DNAH12: variants seen among roughly 807,000 people sequenced by gnomAD.
The protein encoded by DNAH12 is dynein axonemal heavy chain 12.
A neutral mutation model predicts 371.5 loss-of-function variants in DNAH12; 285 were observed. The ratio of observed to expected loss-of-function variants is 0.77; its 90% CI spans 0.70 to 0.85. DNAH12 has a LOEUF of 0.85. Among genes scored for constraint, DNAH12 ranks in the 40% least tolerant of loss-of-function variants. The pLI is 0.00. For synonymous variants in DNAH12, 1,200 were observed against 1,213.0 expected, an observed-to-expected ratio of 0.99 and a Z score of 0.22; for missense variants, 3,611 against 3,689.4, an observed-to-expected ratio of 0.98 and a Z score of 0.55.
intron 4 of DNAH12, among the ~76,000 whole-genome samples, chr3:57,518,418 T>C (rs1367396939): frequency 1.3e-5 from 2 of 151,888 alleles, no homozygotes; most frequent in African/African-American, 4.8e-5. Context: ...CCCAGCTATT[T>C]GGGAGCCTGA....
intron 2 of DNAH12, among the ~76,000 whole-genome samples, chr3:57,531,923 C>A (rs982173311): frequency 6.6e-6 from 1 of 152,058 alleles, no homozygotes; most frequent in African/African-American, 2.4e-5. Flanking sequence ...AATAAACCTT[C>A]TATCCTGTCT....
At chr3:57,393,244 G>T (rs1027616371) in intron 44 of DNAH12, among the ~76,000 whole-genome samples, 11 of 152,262 alleles carry the variant, frequency 7.2e-5, no homozygotes, top group Middle Eastern at 3.4e-3. Flanking sequence ...TGGAGGTTGG[G>T]AATTAAATAT....
At chr3:57,314,192 C>A (rs1306331457) in intron 66 of DNAH12, among the ~76,000 whole-genome samples, 1 of 152,132 alleles carries the variant, frequency 6.6e-6, no homozygotes, top group South Asian at 2.1e-4. Context: ...GACAAAGAAC[C>A]AGGGTCCTCG....
chr3:57,321,230 A>C (rs1260506945), intron 65 of DNAH12, among the ~76,000 whole-genome samples: 13 of 152,154 alleles, frequency 8.5e-5, no homozygotes, highest in Admixed American at 5.9e-4. Flanking sequence ...TCTCTTTCTA[A>C]ATAAAACCAC....
At chr3:57,326,244 A>G (rs2061942584) in intron 62 of DNAH12, among the ~76,000 whole-genome samples, 1 of 152,036 alleles carries the variant, frequency 6.6e-6, no homozygotes, top group African/African-American at 2.4e-5. Flanking sequence ...AGCAACTCCA[A>G]GACACATAAT....
chr3:57,521,615 C>T (rs370637736), intron 4 of DNAH12, among the ~76,000 whole-genome samples: 1 of 152,198 alleles, frequency 6.6e-6, no homozygotes, highest in Non-Finnish European at 1.5e-5. Flanking sequence ...AGGCTGGGTG[C>T]GGTGGCTCCG....
rs753601316 is a variant in DNAH12, at chr3:57,470,428, A to C, written c.2105+15T>G. 4.0e-6 allele frequency: 6 copies of C among 1,493,922 alleles called. No individual in the cohort carries two copies. Among genetic ancestry groups the C allele is most frequent in the South Asian group, 2.7e-5 (2 of 73,646 alleles). The allele number at this position is 1,493,922 out of a possible 1,614,324, so 92.5% of individuals were successfully genotyped here. ...CTATCATTTGCTTGATTTTTATTAC[A>C]TTACCAGCAATTACCGTTTTTCTGA... On this transcript the variant is annotated intron_variant, in intron 16 of 73. Transcript: ENST00000495027.
chr3:57,377,489 A>C (rs2063304273), intron 52 of DNAH12, among the ~76,000 whole-genome samples: 2 of 152,160 alleles, frequency 1.3e-5, no homozygotes, highest in Admixed American at 6.6e-5. Context: ...CAAAAATGTC[A>C]CAAGATGTCT....
intron 35 of DNAH12, among the ~76,000 whole-genome samples, chr3:57,422,577 A>C (rs1194963413): frequency 2.0e-5 from 3 of 152,216 alleles, no homozygotes; most frequent in Non-Finnish European, 4.4e-5. Flanking sequence ...CCAAGGAAGA[A>C]GGATTGCTTG....
intron 6 of DNAH12, among the ~76,000 whole-genome samples, chr3:57,508,858 A>G (rs1306185304): frequency 6.6e-6 from 1 of 152,240 alleles, no homozygotes; most frequent in Non-Finnish European, 1.5e-5. Context: ...CACAGTCTTT[A>G]GGACTAAAGA....
At chr3:57,453,533 G>T (rs554325533) in intron 23 of DNAH12, 130 bp from the exon 24 acceptor site, 2 of 792,590 alleles carry the variant, frequency 2.5e-6, no homozygotes, top group Admixed American at 3.8e-5. Context: ...GAGTTCAAGC[G>T]TGGTGGCTCA....
At chr3:57,357,916 T>A (rs1218423082) in intron 58 of DNAH12, among the ~76,000 whole-genome samples, 1 of 152,238 alleles carries the variant, frequency 6.6e-6, no homozygotes, top group African/African-American at 2.4e-5. Flanking sequence ...GCTTCTCATA[T>A]GTTTAATTTT....
At position 57,454,803 on chromosome 3, in the gene DNAH12, G is replaced by A. The variant is rs1362225813; in HGVS notation, c.3428C>T (p.Thr1143Ile). Residue 1143 changes from threonine (T) to isoleucine (I), a missense_variant, in exon 23 of 74, where the codon ACA (threonine) becomes ATA (isoleucine). By Grantham distance (89) the Thr-to-Ile change is moderately conservative (BLOSUM62 -1). Transcript: ENST00000495027. The stretch of plus-strand genomic sequence containing the variant: ...CGTCCCGCCACTTATCACTTCCTGT[G>A]TCTCAGATGTCCAGAACATTTGAGA... ...CISQMFWTSETQEVISGGTEG... is the reference protein window; with the variant it reads ...CISQMFWTSEIQEVISGGTEG... 8.4e-6 allele frequency: 13 copies of A among 1,551,250 alleles called. No individual in the cohort carries two copies. The highest frequency in any genetic ancestry group is 2.0e-5 in the Admixed American group (1 of 50,968).
intron 17 of DNAH12, 65 bp from the exon 18 acceptor site, chr3:57,462,940 G>T: frequency 8.9e-7 from 1 of 1,124,354 alleles, no homozygotes; most frequent in Non-Finnish European, 1.3e-6. Context: ...AGATTCCATA[G>T]ATGAAGCCTT....
chr3:57,533,770 G>A lies in DNAH12; in HGVS notation c.170+8931C>T, dbSNP rs373074447. On this transcript the variant is annotated intron_variant, in intron 2 of 73. Coordinates refer to ENST00000495027, the MANE Select transcript of DNAH12 (RefSeq NM_001366028.2). ...GCTCTTCCCTTTCCTCTCTTCATGC[G>A]GAAGGAAGGGTCTCTTTTGGAGCTG... Among the ~76,000 whole-genome samples the A allele has an allele frequency of 3.0e-4, 45 of 152,216 alleles. No homozygotes were observed. The South Asian group carries it at 3.3e-3, about 11-fold the overall frequency.
At chr3:57,365,937 T>C (rs1282214135) in intron 57 of DNAH12, among the ~76,000 whole-genome samples, 2 of 151,886 alleles carry the variant, frequency 1.3e-5, no homozygotes, top group African/African-American at 4.8e-5. Context: ...TTCTGTCTCA[T>C]TCAGGTACAA....
In DNAH12 at chr3:57,508,524, T is replaced by C. The variant is rs79604232; in HGVS notation, c.559A>G (p.Asn187Asp). The C allele has an allele frequency of 7.1e-4, 1,144 of 1,611,818 alleles. 16 individuals carry two copies. The East Asian group carries it at 0.024, about 33-fold the overall frequency. Reference protein sequence around the residue: ...PESPVGLDYSNPWHSSYVQAR... With the variant: ...PESPVGLDYSDPWHSSYVQAR... ...TGCACATAGCTAGAATGCCAAGGAT[T>C]AGAATAATCTAGGCCTCTGGAAAAG... Residue 187 changes from asparagine (N) to aspartate (D), a missense_variant, in exon 7 of 74, where the codon AAT (asparagine) becomes GAT (aspartate). Physicochemically the swap from Asn to Asp is conservative, Grantham distance 23 (BLOSUM62 1). Around this residue, in one of 3 missense-constraint regions of DNAH12, gnomAD observed 1,314 missense variants for 1,398.7 expected, o/e 0.94. Coordinates refer to ENST00000495027, the MANE Select transcript of DNAH12 (RefSeq NM_001366028.2).
chr3:57,298,114 C>A (rs967614967), intron 70 of DNAH12, among the ~76,000 whole-genome samples: 5 of 152,160 alleles, frequency 3.3e-5, no homozygotes, highest in Admixed American at 6.5e-5. Context: ...TGTTTTCCTG[C>A]CTATCTTGAA....
At chr3:57,430,589 G>A (rs2064926530) in intron 32 of DNAH12, among the ~76,000 whole-genome samples, 1 of 152,006 alleles carries the variant, frequency 6.6e-6, no homozygotes, top group African/African-American at 2.4e-5. Context: ...TTTCTGTCTT[G>A]TCTATTATTA....
Sources: gnomAD v4.1 joint callset for allele counts (sites outside exome capture counted in the v4.1 genomes callset) on GRCh38, gnomAD v4.1.1 for gene constraint, gnomAD v4.1.1 regional missense constraint, MANE v1.5 for transcripts, NCBI Gene and HGNC (gene_info 2026-07-23, HGNC 2026-07-21) for gene names.